ACBD6: variants seen among roughly 807,000 people sequenced by gnomAD.
The protein encoded by ACBD6 is acyl-CoA-binding domain-containing protein 6.
Under a neutral mutation model 37.2 loss-of-function variants are expected in ACBD6, and 28 were observed. The ratio of observed to expected loss-of-function variants is 0.75; its 90% CI spans 0.56 to 1.03. The LOEUF is 1.03. Ranked by LOEUF, ACBD6 falls within the 50% of genes least tolerant of loss-of-function variation. The pLI, the probability that ACBD6 is intolerant of heterozygous loss-of-function variation, is 0.00. For missense variants in ACBD6, 340 were observed against 337.4 expected (o/e 1.01, Z -0.06); for synonymous variants, 113 against 126.8 (o/e 0.89, Z 0.73).
In ACBD6 at chr1:180,311,562, CA is replaced by C. The variant is rs1650595653; in HGVS notation, c.694+3129del. The stretch of plus-strand genomic sequence containing the variant: ...AAGTGATTTTCCCACCTCAGCCTCT[CA>C]AGTAGTTGGGACCATATTTGCCCAG... On this transcript the variant is annotated intron_variant, in intron 7 of 7. Transcript: ENST00000367595. Among the ~76,000 whole-genome samples the C allele has an allele frequency of 2.0e-5, 3 of 152,266 alleles. No homozygotes were observed. In the South Asian group the frequency reaches 6.2e-4, roughly 32 times the overall value.
At chr1:180,312,420 C>G (rs1650629634) in intron 7 of ACBD6, among the ~76,000 whole-genome samples, 1 of 151,920 alleles carries the variant, frequency 6.6e-6, no homozygotes, top group African/African-American at 2.4e-5. Flanking sequence ...ATTCAGCATC[C>G]CTGCTAAATT....
At chr1:180,272,766 G>C (rs375016051) in intron 12 of ACBD6, 1 of 152,222 alleles carries the variant, frequency 6.6e-6, no homozygotes, top group African/African-American at 2.4e-5. Flanking sequence ...CTGTCAAATC[G>C]ATTCACTTCT....
chr1:180,392,098 AC>A (rs1439830111), intron 6 of ACBD6, among the ~76,000 whole-genome samples: 1 of 152,190 alleles, frequency 6.6e-6, no homozygotes, highest in Non-Finnish European at 1.5e-5. Flanking sequence ...AAGAGTTAGA[AC>A]TAATCAGGGG....
rs116482990 is a variant in ACBD6, at chr1:180,274,596, C to A, written c.*936+55G>T. On this transcript the variant is annotated intron_variant, in intron 10 of 13. Transcript: ENST00000642319. The stretch of plus-strand genomic sequence containing the variant: ...CCTTTTTAAACTTCTCTCCTCCCCA[C>A]CCTACCTGCCCCCCTGGCTTGAGAG... The A allele has an allele frequency of 2.0e-3, 3,093 of 1,543,226 alleles. 60 individuals are homozygous for A. In the African/African-American group the frequency reaches 0.036, roughly 18 times the overall value.
chr1:180,435,702 C>A, intron 3 of ACBD6: 1 of 870,124 alleles, frequency 1.1e-6, no homozygotes, highest in Non-Finnish European at 2.0e-6. Context: ...AAGTTAGAGA[C>A]CGCTGTCAAT....
chr1:180,387,494 T>C (rs1367945905), intron 6 of ACBD6, among the ~76,000 whole-genome samples: 1 of 152,188 alleles, frequency 6.6e-6, no homozygotes. Flanking sequence ...GATGAAAGTC[T>C]AGGCTTCCCA....
At chr1:180,339,968 T>C (rs1034365787) in intron 6 of ACBD6, among the ~76,000 whole-genome samples, 2 of 151,850 alleles carry the variant, frequency 1.3e-5, no homozygotes, top group African/African-American at 4.8e-5. Context: ...GTGAAGATGG[T>C]AAGGGAATAA....
intron 3 of ACBD6, chr1:180,434,846 A>T: frequency 1.3e-6 from 1 of 744,984 alleles, no homozygotes; most frequent in Non-Finnish European, 2.5e-6. Context: ...TCTGCCAGGG[A>T]TGTCTTCACC....
At chr1:180,342,920 T>G (rs979389518) in intron 6 of ACBD6, among the ~76,000 whole-genome samples, 9 of 152,082 alleles carry the variant, frequency 5.9e-5, no homozygotes, top group Non-Finnish European at 1.2e-4. Context: ...TTGAATTTTT[T>G]TTGTTGTTTC....
At chr1:180,468,564 C>A (rs1650441581) in intron 3 of ACBD6, among the ~76,000 whole-genome samples, 1 of 152,118 alleles carries the variant, frequency 6.6e-6, no homozygotes, top group Non-Finnish European at 1.5e-5. Context: ...TCTTACATTT[C>A]TTGATTATTA....
chr1:180,328,899 T>C (rs1281643681), intron 6 of ACBD6, among the ~76,000 whole-genome samples: 1 of 152,170 alleles, frequency 6.6e-6, no homozygotes, highest in Admixed American at 6.5e-5. Context: ...TTTTCCTTTC[T>C]TTCTAGGAAA....
At chr1:180,435,356 C>G (rs1214753630) in intron 3 of ACBD6, 17 of 413,676 alleles carry the variant, frequency 4.1e-5, no homozygotes, top group Non-Finnish European at 6.3e-5. Context: ...TCACGCCATT[C>G]TCCTGCCTCA....
At chr1:180,405,168 C>T (rs899802488) in intron 5 of ACBD6, among the ~76,000 whole-genome samples, 5 of 152,114 alleles carry the variant, frequency 3.3e-5, no homozygotes, top group Non-Finnish European at 5.9e-5. Flanking sequence ...TAAATTTAGT[C>T]TCAGTATACC....
At chr1:180,281,759 G>C (rs1404741912) in intron 8 of ACBD6, among the ~76,000 whole-genome samples, 3 of 151,454 alleles carry the variant, frequency 2.0e-5, no homozygotes, top group Non-Finnish European at 4.4e-5. Context: ...TGAGTTAGGA[G>C]GGAGAAAAAA....
chr1:180,484,474 G>C, intron 3 of ACBD6, among the ~76,000 whole-genome samples: 1 of 152,084 alleles, frequency 6.6e-6, no homozygotes, highest in East Asian at 1.9e-4. Context: ...ACTACATTGA[G>C]GATACTGGGA....
chr1:180,446,919 T>C (rs920282076), intron 3 of ACBD6, among the ~76,000 whole-genome samples: 1 of 152,126 alleles, frequency 6.6e-6, no homozygotes, highest in Non-Finnish European at 1.5e-5. Context: ...TGCATATCTG[T>C]AATCCCAGCT....
chr1:180,472,565 TA>T (rs1650610369), intron 3 of ACBD6, among the ~76,000 whole-genome samples: 1 of 152,108 alleles, frequency 6.6e-6, no homozygotes. Context: ...CAATAACGAT[TA>T]AAAAATTAAT....
intron 3 of ACBD6, among the ~76,000 whole-genome samples, chr1:180,437,587 CAACA>C (rs1489192404): frequency 1.3e-5 from 2 of 152,244 alleles, no homozygotes; most frequent in East Asian, 3.9e-4. Flanking sequence ...TGTTCACAGA[CAACA>C]AGATTTTATA....
intron 6 of ACBD6, among the ~76,000 whole-genome samples, chr1:180,368,937 G>C (rs957401061): frequency 6.6e-6 from 1 of 152,124 alleles, no homozygotes; most frequent in African/African-American, 2.4e-5. Context: ...ACACAGTGAG[G>C]ACTAGATTTA....
Sources: allele counts gnomAD v4.1 joint callset (sites outside exome capture counted in the v4.1 genomes callset), GRCh38; gene constraint gnomAD v4.1.1; transcripts MANE v1.5; gene names NCBI Gene and HGNC (gene_info 2026-07-23, HGNC 2026-07-21).